The following ANO10 variants were observed in gnomAD, a reference collection of about 807,000 sequenced individuals.
The protein encoded by ANO10 is anoctamin 10.
In ANO10, 77 loss-of-function variants were observed where a neutral mutation model predicts 74.7. That is an observed-to-expected ratio of 1.03 (90% CI 0.86 to 1.25). The LOEUF is 1.25. Among genes scored for constraint, ANO10 ranks in the 50% most tolerant of loss-of-function variants. The pLI, the probability that ANO10 is intolerant of heterozygous loss-of-function variation, is 0.00. For synonymous variants in ANO10, 279 were observed against 284.9 expected (o/e 0.98, Z 0.21); for missense variants, 721 against 778.1 (o/e 0.93, Z 0.87).
chr3:43,398,029 T>G (rs1327592414), intron 12 of ANO10, among the ~76,000 whole-genome samples: 1 of 152,248 alleles, frequency 6.6e-6, no homozygotes, highest in Admixed American at 6.5e-5. Flanking sequence ...CAAAACTGTA[T>G]GATATTTAAA....
intron 1 of ANO10, chr3:43,689,596 C>T (rs1026339595): frequency 2.0e-5 from 3 of 152,134 alleles, no homozygotes; most frequent in African/African-American, 4.8e-5. Context: ...GGCTTTCCCC[C>T]CTCTAAATTA....
At chr3:43,471,573 T>C (rs2075860419) in intron 11 of ANO10, among the ~76,000 whole-genome samples, 1 of 151,978 alleles carries the variant, frequency 6.6e-6, no homozygotes, top group South Asian at 2.1e-4. Context: ...ATCCCAAGCT[T>C]CTAGACACAA....
chr3:43,409,081 G>C (rs2092623890), intron 12 of ANO10, among the ~76,000 whole-genome samples: 1 of 152,046 alleles, frequency 6.6e-6, no homozygotes, highest in Non-Finnish European at 1.5e-5. Flanking sequence ...TGACATCTGT[G>C]CAACACCAAT....
chr3:43,615,078 TAATA>T (rs774976702), intron 1 of ANO10, among the ~76,000 whole-genome samples: 21 of 151,770 alleles, frequency 1.4e-4, no homozygotes, highest in African/African-American at 4.4e-4. Flanking sequence ...TAAATATACA[TAATA>T]AATAAACAGT....
intron 2 of ANO10, among the ~76,000 whole-genome samples, chr3:43,603,984 T>C (rs1219232186): frequency 1.3e-5 from 2 of 152,184 alleles, no homozygotes; most frequent in Non-Finnish European, 2.9e-5. Flanking sequence ...TGTGCATAGA[T>C]TTCTATGCCA....
chr3:43,372,629 C>G (rs1435085602), intron 12 of ANO10: 1 of 501,586 alleles, frequency 2.0e-6, no homozygotes, highest in Middle Eastern at 5.1e-4. Context: ...CCCCCGTCAC[C>G]ATCCCATCCC....
At chr3:43,496,541 C>T (rs970277847) in intron 11 of ANO10, among the ~76,000 whole-genome samples, 2 of 152,030 alleles carry the variant, frequency 1.3e-5, no homozygotes, top group African/African-American at 4.8e-5. Context: ...TCAAGCAATC[C>T]TCCTACCTCA....
intron 11 of ANO10, among the ~76,000 whole-genome samples, chr3:43,543,309 C>CAAAAG (rs946272387): frequency 1.3e-5 from 2 of 152,192 alleles, no homozygotes; most frequent in Non-Finnish European, 2.9e-5. Context: ...AGTCAGGGCA[C>CAAAAG]AAAAGAACCT....
chr3:43,546,503 G>T (rs1040697885), intron 11 of ANO10, among the ~76,000 whole-genome samples: 29 of 152,192 alleles, frequency 1.9e-4, no homozygotes, highest in African/African-American at 6.3e-4. Flanking sequence ...TTCAACAAGG[G>T]TGCCAAGACC....
intron 7 of ANO10, among the ~76,000 whole-genome samples, chr3:43,572,801 A>G (rs2080801587): frequency 6.6e-6 from 1 of 152,136 alleles, no homozygotes; most frequent in African/African-American, 2.4e-5. Context: ...TGAGTGCTTA[A>G]TTACTGCGGA....
intron 1 of ANO10, among the ~76,000 whole-genome samples, chr3:43,645,278 C>A (rs1226575176): frequency 2.0e-5 from 3 of 152,116 alleles, no homozygotes; most frequent in Non-Finnish European, 2.9e-5. Context: ...AGCACAAGGT[C>A]AAGAGATTGA....
rs1460139131 is a variant in ANO10 at position 43,605,798 on chromosome 3, C to T, written c.55G>A (p.Val19Met). Residue 19 changes from valine to methionine, a missense_variant, in exon 2 of 13, where the codon GTG becomes ATG. Physicochemically the swap from Val to Met is conservative, Grantham distance 21. Coordinates refer to ENST00000292246, the MANE Select transcript of ANO10 (RefSeq NM_018075.5). ...ACATCCTGAGCAAGTTCTATGACCA[C>T]CAAAGGTGTGAAAGAACTCTCAGAA... ...DTSESSFTPL[V>M]VIELAQDVKE... The T allele has an allele frequency of 3.7e-6, 6 of 1,613,472 alleles. No individual in the cohort carries two copies. The highest frequency in any genetic ancestry group is 4.5e-5 in the East Asian group (2 of 44,866).
At chr3:43,515,450 C>A (rs2077671834) in intron 11 of ANO10, among the ~76,000 whole-genome samples, 1 of 152,122 alleles carries the variant, frequency 6.6e-6, no homozygotes, top group Non-Finnish European at 1.5e-5. Flanking sequence ...TGGAATGACA[C>A]CATTGTCTCT....
intron 12 of ANO10, chr3:43,372,920 C>CT (rs1174778628): frequency 2.8e-6 from 4 of 1,425,308 alleles, no homozygotes; most frequent in Non-Finnish European, 3.8e-6. Context: ...TGTGAAGCCT[C>CT]TTTTTTTCAT....
chr3:43,648,967 G>T (rs1450585059), intron 1 of ANO10, among the ~76,000 whole-genome samples: 1 of 152,150 alleles, frequency 6.6e-6, no homozygotes, highest in Admixed American at 6.5e-5. Context: ...GTGAGCCACG[G>T]CGCCCAGCCT....
intron 1 of ANO10, among the ~76,000 whole-genome samples, chr3:43,661,412 A>T (rs2083925420): frequency 6.6e-6 from 1 of 152,210 alleles, no homozygotes. Context: ...GAAGCACTAA[A>T]CATGGATAGG....
At chr3:43,536,860 T>C (rs934221277) in intron 11 of ANO10, among the ~76,000 whole-genome samples, 1 of 152,052 alleles carries the variant, frequency 6.6e-6, no homozygotes, top group Non-Finnish European at 1.5e-5. Context: ...TCAACAAGTT[T>C]TTATACATTT....
chr3:43,414,390 A>G (rs762538890), intron 12 of ANO10, among the ~76,000 whole-genome samples: 6 of 152,180 alleles, frequency 3.9e-5, no homozygotes, highest in African/African-American at 1.2e-4. Context: ...TAGAAACTCT[A>G]TGTTCTGATT....
chr3:43,387,272 T>C (rs1575628924), intron 12 of ANO10, among the ~76,000 whole-genome samples: 1 of 152,324 alleles, frequency 6.6e-6, no homozygotes, highest in East Asian at 1.9e-4. Flanking sequence ...CACCATCATA[T>C]ATGTGGTCCG....
Sources: gnomAD v4.1 joint callset for allele counts (sites outside exome capture counted in the v4.1 genomes callset) on GRCh38, gnomAD v4.1.1 for gene constraint, MANE v1.5 for transcripts, NCBI Gene and HGNC (gene_info 2026-07-23, HGNC 2026-07-21) for gene names.